The following RIF1 variants were observed in gnomAD, a reference collection of about 807,000 sequenced individuals.
RIF1 encodes the protein telomere-associated protein RIF1.
A neutral mutation model predicts 247.1 loss-of-function variants in RIF1; 45 were observed. That is an observed-to-expected ratio of 0.18 (90% CI 0.14 to 0.23). The LOEUF (loss-of-function observed/expected upper bound fraction) is 0.23, where lower values mean the gene tolerates loss of function less well. Ranked by LOEUF, RIF1 falls within the 10% of genes least tolerant of loss-of-function variation. The pLI is 1.00. For missense variants in RIF1, 2,967 were observed against 2,862.5 expected (o/e 1.04, Z -0.83); for synonymous variants, 1,087 against 978.8 (o/e 1.11, Z -2.06).
intron 9 of RIF1, chr2:151,491,631 T>G: frequency 2.2e-6 from 3 of 1,390,512 alleles, no homozygotes. Flanking sequence ...TCATTGACTC[T>G]AGCATACTAA....
Position 151,466,161 on chromosome 2 carries a change from G to T in RIF1, c.6600+41G>T, listed in dbSNP as rs755338861. On this transcript the variant is annotated intron_variant, in intron 30 of 35. Coordinates refer to ENST00000444746, the MANE Select transcript of RIF1 (RefSeq NM_018151.5). ...CTAAATATTAAGGAACCCAGTATTT[G>T]GTTGGGATATTTTGGCCATACAGTG... 5 of 1,309,696 alleles carry T rather than the reference G, an allele frequency of 3.8e-6. No homozygotes were observed. In the African/African-American group the frequency reaches 5.9e-5, roughly 16 times the overall value. The allele number at this position is 1,309,696 out of a possible 1,614,324, so 81.1% of individuals were successfully genotyped here. A position where few individuals can be genotyped will look rare whatever the true frequency, so the allele number is the denominator to read the frequency against.
chr2:151,507,727 A>G, intron 13 of RIF1: 1 of 363,424 alleles, frequency 2.8e-6, no homozygotes, highest in East Asian at 4.4e-5. Context: ...CTTTTGTTAC[A>G]GGGGTTTTCG....
At chr2:151,459,803 A>G (rs988479999) in intron 25 of RIF1, among the ~76,000 whole-genome samples, 197 bp from the exon 26 acceptor site, 8 of 152,226 alleles carry the variant, frequency 5.3e-5, no homozygotes, top group African/African-American at 1.9e-4. Context: ...AACAGCTACT[A>G]TTAAAGAGAC....
Position 151,433,109 on chromosome 2 carries a change from T to C in RIF1, c.958T>C (p.Leu320=). The C allele has an allele frequency of 1.2e-6, 2 of 1,613,650 alleles. No individual in the cohort carries two copies. The highest frequency in any genetic ancestry group is 1.7e-6 in the Non-Finnish European group (2 of 1,179,654). Reference sequence around the variant, plus strand: ...ATGTAGTGCAAAAAGACTCAAGTTGTTAATGCAGCCTTTGAGTTCCATCCA... The same window carrying C: ...ATGTAGTGCAAAAAGACTCAAGTTGCTAATGCAGCCTTTGAGTTCCATCCA... ...ILCSAKRLKL[L]MQPLSSIHVR... is the part of the protein sequence containing the mutation. The change falls in exon 10 of 36, where the codon TTA becomes CTA. Residue 320 remains leucine, a synonymous_variant. Coordinates refer to ENST00000444746, the MANE Select transcript of RIF1 (RefSeq NM_018151.5).
chr2:151,426,635 CA>C (rs1326853860), intron 8 of RIF1, among the ~76,000 whole-genome samples: 2 of 151,636 alleles, frequency 1.3e-5, no homozygotes, highest in African/African-American at 4.8e-5. Flanking sequence ...CCCATGAACA[CA>C]GATGTCTTTC....
At chr2:151,461,039 T>C in intron 26 of RIF1, 99 bp from the exon 27 acceptor site, 1 of 1,074,452 alleles carries the variant, frequency 9.3e-7, no homozygotes, top group Admixed American at 2.3e-5. Flanking sequence ...TCATAATCAC[T>C]ATTGAAAAAT....
chr2:151,439,998 AC>A, intron 14 of RIF1, 28 bp from the exon 15 acceptor site: 27 of 889,600 alleles, frequency 3.0e-5, no homozygotes, highest in South Asian at 4.3e-5. Flanking sequence ...AAAAAAAAGA[AC>A]TATACCCTTC....
Position 151,479,357 on chromosome 2 carries a change from A to G in RIF1, c.*4286A>G, listed in dbSNP as rs563642173. 27 of 152,318 alleles carry G rather than the reference A, an allele frequency of 1.8e-4. No individual in the cohort carries two copies. The highest frequency in any genetic ancestry group is 6.5e-4 in the African/African-American group (27 of 41,560). 9.4% of individuals were successfully genotyped at this position (152,318 alleles called of 1,614,324 possible). On this transcript the variant is annotated 3_prime_UTR_variant, in exon 36 of 36. Transcript: ENST00000444746. ...AGAATTTCAAGTTATAAAGAATCTT[A>G]TTGATAAGGCAAAGTAGACAAAGTA...
At position 151,498,037 on chromosome 2, in the gene RIF1, T is replaced by C. The variant is rs569936628; in HGVS notation, c.*514-1308T>C. On this transcript the variant is annotated intron_variant and NMD_transcript_variant, in intron 10 of 13. Transcript: ENST00000454583. Reference sequence around the variant, plus strand: ...AACTCGGTGTTGTTATCCACACAAATGGAAACATTCATTATTTTTAAAACA... The same window carrying C: ...AACTCGGTGTTGTTATCCACACAAACGGAAACATTCATTATTTTTAAAACA... 3.5e-6 allele frequency: 5 copies of C among 1,445,338 alleles called. No homozygotes were observed. In the East Asian group the frequency reaches 1.2e-4, roughly 36 times the overall value. The allele number at this position is 1,445,338 out of a possible 1,614,324, so 89.5% of individuals were successfully genotyped here. A position where few individuals can be genotyped will look rare whatever the true frequency, so the allele number is the denominator to read the frequency against.
chr2:151,460,016 T>C lies in RIF1; in HGVS notation c.2972T>C (p.Leu991Pro), dbSNP rs1426146511. 13 of 1,540,492 alleles carry C rather than the reference T, an allele frequency of 8.4e-6. No homozygotes were observed. Among genetic ancestry groups the C allele is most frequent in the South Asian group, 1.2e-5 (1 of 81,062 alleles). ...ATAAAACAGACAGAAAATTCACAAC[T>C]AAATGTGAAGATAAGTGGCATGGAG... is the stretch of plus-strand genomic sequence containing the variant. ...PYSDGTENSQLNVKISGMERK... is the reference protein window; with the variant it reads ...PYSDGTENSQPNVKISGMERK... Residue 991 changes from leucine (L) to proline (P), a missense_variant, in exon 26 of 36, where the codon CTA becomes CCA. Physicochemically the swap from Leu to Pro is moderately conservative, Grantham distance 98. Transcript: ENST00000444746.
chr2:151,509,097 T>C (rs1305796957), downstream of RIF1, among the ~76,000 whole-genome samples: 1 of 152,210 alleles, frequency 6.6e-6, no homozygotes, highest in African/African-American at 2.4e-5. Flanking sequence ...TCTGTCTCTA[T>C]GTACTTTGTT....
At chr2:151,467,652 T>A (rs1044597436) in intron 30 of RIF1, among the ~76,000 whole-genome samples, 3 of 152,144 alleles carry the variant, frequency 2.0e-5, no homozygotes, top group Non-Finnish European at 4.4e-5. Context: ...ACATTTCTGT[T>A]TTTACATCAG....
intron 8 of RIF1, among the ~76,000 whole-genome samples, chr2:151,425,880 C>T (rs929535383): frequency 6.6e-6 from 1 of 151,384 alleles, no homozygotes; most frequent in South Asian, 2.1e-4. Context: ...GGTTTTACCA[C>T]GTTGGCCAGG....
chr2:151,425,787 C>G (rs1688961721), intron 8 of RIF1, among the ~76,000 whole-genome samples: 1 of 148,372 alleles, frequency 6.7e-6, no homozygotes, highest in Non-Finnish European at 1.5e-5. Flanking sequence ...CTGCCTCAGT[C>G]TCCCAAGTAG....
chr2:151,483,747 CAGG>C (rs2049291139), downstream of RIF1, among the ~76,000 whole-genome samples: 1 of 152,200 alleles, frequency 6.6e-6, no homozygotes, highest in African/African-American at 2.4e-5. Context: ...GGCTGTACAG[CAGG>C]AGGTCGAGTG....
chr2:151,430,718 C>A (rs896578586), intron 9 of RIF1, among the ~76,000 whole-genome samples: 2 of 150,700 alleles, frequency 1.3e-5, no homozygotes, highest in Admixed American at 6.6e-5. Context: ...GACTGGAGTG[C>A]AGTGGCTGAC....
chr2:151,524,353 T>G, the RIF1 span: 2 of 1,613,846 alleles, frequency 1.2e-6, no homozygotes, highest in Non-Finnish European at 1.7e-6. Context: ...TTTCTATGTC[T>G]GGGCGACCGA....
chr2:151,433,069 C>A lies in RIF1; in HGVS notation c.926-8C>A, dbSNP rs1158749855. ...GTCTCTTTAACTGTGTGCTTATTTT[C>A]TTTTAAGATATACTATGTAGTGCAA... On this transcript the variant is annotated splice_region_variant and splice_polypyrimidine_tract_variant and intron_variant, in intron 9 of 35. Transcript: ENST00000444746. 17 of 1,604,150 alleles carry A rather than the reference C, an allele frequency of 1.1e-5. No homozygotes were observed. The highest frequency in any genetic ancestry group is 1.4e-5 in the Non-Finnish European group (17 of 1,173,992).
chr2:151,492,227 T>C (rs956185812), intron 9 of RIF1: 3 of 1,613,980 alleles, frequency 1.9e-6, no homozygotes, highest in Non-Finnish European at 2.5e-6. Flanking sequence ...ATAGGATCTG[T>C]CACCACTGGT....
Sources: gnomAD v4.1 joint callset for allele counts (sites outside exome capture counted in the v4.1 genomes callset) on GRCh38, gnomAD v4.1.1 for gene constraint, MANE v1.5 for transcripts, NCBI Gene and HGNC (gene_info 2026-07-23, HGNC 2026-07-21) for gene names.